The following TRPM3 variants were observed in gnomAD, a reference collection of about 807,000 sequenced individuals.
TRPM3 encodes the protein long transient receptor potential channel 3.
Under a neutral mutation model 181.2 loss-of-function variants are expected in TRPM3, and 77 were observed. That is an observed-to-expected ratio of 0.42 (90% CI 0.35 to 0.51). The LOEUF is 0.51. TRPM3 is among the 20% of genes least tolerant of loss of function. TRPM3 has a pLI of 0.01. For synonymous variants in TRPM3, 745 were observed against 796.4 expected, an observed-to-expected ratio of 0.94 and a Z score of 1.09; for missense variants, 1,759 against 2,196.7, an observed-to-expected ratio of 0.80 and a Z score of 3.98.
intron 7 of TRPM3, among the ~76,000 whole-genome samples, chr9:70,777,102 A>G (rs2081505221): frequency 6.6e-6 from 1 of 152,178 alleles, no homozygotes. Context: ...GAATGTAATC[A>G]ATAGAGAGCT....
chr9:71,188,301 A>G (rs1023108326), intron 1 of TRPM3, among the ~76,000 whole-genome samples: 1 of 151,830 alleles, frequency 6.6e-6, no homozygotes, highest in Admixed American at 6.6e-5. Flanking sequence ...GCATCTTCAT[A>G]TTTTCCAATG....
intron 1 of TRPM3, among the ~76,000 whole-genome samples, chr9:71,204,545 T>G (rs1157249681): frequency 6.6e-6 from 1 of 152,050 alleles, no homozygotes; most frequent in Non-Finnish European, 1.5e-5. Flanking sequence ...ATGGTGATCA[T>G]TAAAAAGTCA....
intron 1 of TRPM3, among the ~76,000 whole-genome samples, chr9:71,392,989 G>A (rs770045484): frequency 1.4e-4 from 22 of 152,090 alleles, no homozygotes; most frequent in Non-Finnish European, 2.9e-4. Flanking sequence ...CATACTTATG[G>A]GCCTGGAGCA....
In TRPM3 at chr9:71,129,642, C is replaced by T. The variant is rs2074253148; in HGVS notation, c.184-265131G>A. Among the ~76,000 whole-genome samples, 4 of 152,188 alleles carry T rather than the reference C, an allele frequency of 2.6e-5. No homozygotes were observed. The South Asian group carries it at 8.3e-4, about 32-fold the overall frequency. ...ATTCAGGTCTATCTTATTCTATAAC[C>T]CATGCTTTTACCCATTACAATATGC... On this transcript the variant is annotated intron_variant, in intron 1 of 24. Coordinates refer to the TRPM3 transcript ENST00000357533.
intron 1 of TRPM3, among the ~76,000 whole-genome samples, chr9:71,120,205 A>G (rs1157033899): frequency 1.3e-5 from 2 of 152,216 alleles, no homozygotes; most frequent in African/African-American, 4.8e-5. Context: ...GTGGTCACTA[A>G]ATCAAAAGAG....
intron 1 of TRPM3, among the ~76,000 whole-genome samples, chr9:71,412,261 A>T (rs1430969633): frequency 6.6e-6 from 1 of 152,224 alleles, no homozygotes; most frequent in East Asian, 1.9e-4. Flanking sequence ...ATCTAATTAA[A>T]CTAAAGAGCT....
At chr9:71,110,566 G>A (rs979407288) in intron 1 of TRPM3, among the ~76,000 whole-genome samples, 2 of 152,118 alleles carry the variant, frequency 1.3e-5, no homozygotes, top group Non-Finnish European at 2.9e-5. Flanking sequence ...GCAACAGAGG[G>A]TGTATGAGCC....
intron 6 of TRPM3, among the ~76,000 whole-genome samples, chr9:70,796,115 G>C (rs1163472766): frequency 1.3e-5 from 2 of 152,196 alleles, no homozygotes; most frequent in East Asian, 1.9e-4. Context: ...GATGTAATCA[G>C]GGTGGTTTTA....
chr9:71,089,709 T>C (rs1287818000), intron 1 of TRPM3, among the ~76,000 whole-genome samples: 2 of 152,138 alleles, frequency 1.3e-5, no homozygotes, highest in Non-Finnish European at 2.9e-5. Context: ...TGGTCTTCAG[T>C]TCTCTGATGA....
chr9:70,767,786 G>T (rs140398412), intron 7 of TRPM3, among the ~76,000 whole-genome samples: 55 of 152,266 alleles, frequency 3.6e-4, no homozygotes, highest in African/African-American at 1.2e-3. Context: ...TTTCCCTGCT[G>T]GTTGCAGGGT....
chr9:71,425,801 T>A (rs895668388), intron 1 of TRPM3, among the ~76,000 whole-genome samples: 1 of 152,154 alleles, frequency 6.6e-6, no homozygotes, highest in Non-Finnish European at 1.5e-5. Context: ...TCTGGCCCCA[T>A]GTTTCTCCCT....
intron 1 of TRPM3, among the ~76,000 whole-genome samples, chr9:70,984,509 C>T (rs541574402): frequency 3.9e-5 from 6 of 152,274 alleles, no homozygotes; most frequent in South Asian, 4.1e-4. Context: ...AAACAGAATA[C>T]ACTGTTTTAT....
intron 1 of TRPM3, among the ~76,000 whole-genome samples, chr9:71,119,189 A>G (rs73647946): frequency 0.096 from 14,676 of 152,224 alleles, 826 homozygotes; most frequent in Admixed American, 0.15. Context: ...CTCAGAAGAT[A>G]GCTATGATCT....
chr9:70,584,067 TC>T (rs1489203366), intron 22 of TRPM3, among the ~76,000 whole-genome samples: 1 of 152,042 alleles, frequency 6.6e-6, no homozygotes, highest in Non-Finnish European at 1.5e-5. Context: ...TGAGACAGGG[TC>T]TTGCTCTGTT....
chr9:70,939,613 A>C (rs1394023262), intron 1 of TRPM3, among the ~76,000 whole-genome samples: 2 of 152,238 alleles, frequency 1.3e-5, no homozygotes, highest in African/African-American at 4.8e-5. Context: ...AAGATTGAAA[A>C]GAGAAATATC....
At chr9:71,389,589 C>T (rs1052143515) in intron 1 of TRPM3, among the ~76,000 whole-genome samples, 1 of 152,104 alleles carries the variant, frequency 6.6e-6, no homozygotes, top group Admixed American at 6.6e-5. Context: ...CCCAAATGCC[C>T]ATCAATCAAC....
intron 6 of TRPM3, among the ~76,000 whole-genome samples, chr9:70,819,781 A>AT (rs1455850742): frequency 6.6e-6 from 1 of 152,198 alleles, no homozygotes; most frequent in African/African-American, 2.4e-5. Context: ...TCATAATGAA[A>AT]TTTCCTATAC....
chr9:71,131,138 A>T (rs1284714363), intron 1 of TRPM3, among the ~76,000 whole-genome samples: 1 of 152,168 alleles, frequency 6.6e-6, no homozygotes, highest in Non-Finnish European at 1.5e-5. Flanking sequence ...AACTCTTGAC[A>T]TTTCCAATTC....
chr9:71,432,389 T>G (rs1486513058), intron 1 of TRPM3, among the ~76,000 whole-genome samples: 1 of 148,194 alleles, frequency 6.7e-6, no homozygotes, highest in East Asian at 2.0e-4. Context: ...TCATGGCCTA[T>G]TCATTTGGGA....
Sources: allele counts gnomAD v4.1 joint callset (sites outside exome capture counted in the v4.1 genomes callset), GRCh38; gene constraint gnomAD v4.1.1; transcripts MANE v1.5; gene names NCBI Gene and HGNC (gene_info 2026-07-23, HGNC 2026-07-21).